LAMA2: variants seen among roughly 807,000 people sequenced by gnomAD.
LAMA2 encodes laminin subunit alpha-2.
Under a neutral mutation model 364.8 loss-of-function variants are expected in LAMA2, and 269 were observed. That is an observed-to-expected ratio of 0.74 (90% CI 0.67 to 0.82). The LOEUF (loss-of-function observed/expected upper bound fraction) is 0.82, where lower values mean the gene tolerates loss of function less well. LAMA2 is among the 40% of genes least tolerant of loss of function. The pLI, the probability that LAMA2 is intolerant of heterozygous loss-of-function variation, is 0.00. For synonymous variants in LAMA2, 1,379 were observed against 1,370.6 expected (o/e 1.01, Z -0.14); for missense variants, 3,807 against 3,873.2 (o/e 0.98, Z 0.45).
intron 34 of LAMA2, among the ~76,000 whole-genome samples, chr6:129,378,755 T>C (rs957972131): frequency 4.8e-4 from 73 of 152,154 alleles, no homozygotes; most frequent in African/African-American, 1.7e-3. Context: ...CATCTCCAAT[T>C]CCCTGTACAT....
In LAMA2 at chr6:129,486,462, T is replaced by G. The variant is rs749224748; in HGVS notation, c.7750-12T>G. ...CTTCTGTTTAATCTTCAATAACCAC[T>G]TGCTGTTGCAGGCCTATTATGCAAT... On this transcript the variant is annotated splice_polypyrimidine_tract_variant and intron_variant, in intron 55 of 64. Coordinates refer to ENST00000421865, the MANE Select transcript of LAMA2 (RefSeq NM_000426.4). 1.2e-6 allele frequency: 2 copies of G among 1,612,876 alleles called. No individual in the cohort carries two copies. Among genetic ancestry groups the G allele is most frequent in the Non-Finnish European group, 1.7e-6 (2 of 1,178,992 alleles).
chr6:129,442,686 C>T (rs1782178493), intron 43 of LAMA2: 2 of 295,752 alleles, frequency 6.8e-6, no homozygotes. Flanking sequence ...TCCTGCTCTC[C>T]ACCCTCCAAA....
chr6:129,229,191 T>C (rs1016059046), intron 12 of LAMA2, among the ~76,000 whole-genome samples: 5 of 152,168 alleles, frequency 3.3e-5, no homozygotes, highest in Non-Finnish European at 7.3e-5. Context: ...ATGTGTTAGA[T>C]AGTGATAAAT....
intron 30 of LAMA2, 58 bp from the exon 31 acceptor site, chr6:129,349,240 C>T: frequency 3.0e-6 from 4 of 1,332,978 alleles, no homozygotes; most frequent in South Asian, 2.3e-5. Context: ...GATAGGAATA[C>T]TATTTTATAA....
rs192917441 is a variant in LAMA2, at chr6:129,486,883, G to A, written c.7898+261G>A. 9.2e-5 allele frequency among the ~76,000 whole-genome samples: 14 copies of A among 152,264 alleles called. 1 individual carries two copies. Among genetic ancestry groups the A allele is most frequent in the Admixed American group, 9.2e-4 (14 of 15,288 alleles). Reference sequence around the variant, plus strand: ...GGAAAAACCAAATGCATTTTCTGAAGCTATAAATAAGAAAAATCCCTCCCT... The same window carrying A: ...GGAAAAACCAAATGCATTTTCTGAAACTATAAATAAGAAAAATCCCTCCCT... On this transcript the variant is annotated intron_variant, in intron 56 of 64. Coordinates refer to ENST00000421865, the MANE Select transcript of LAMA2 (RefSeq NM_000426.4).
chr6:129,262,924 T>C (rs12661540), intron 15 of LAMA2, among the ~76,000 whole-genome samples: 26,632 of 152,112 alleles, frequency 0.18, 2,540 homozygotes, highest in African/African-American at 0.24. Flanking sequence ...TTTGGGGCCA[T>C]AGTGTTGATT....
chr6:129,401,797 G>A (rs1583664991), intron 38 of LAMA2, among the ~76,000 whole-genome samples: 1 of 152,098 alleles, frequency 6.6e-6, no homozygotes, highest in Non-Finnish European at 1.5e-5. Context: ...TGTTTAAATA[G>A]ATAGGCTTTT....
At chr6:128,911,257 G>T (rs1777920838) in intron 1 of LAMA2, among the ~76,000 whole-genome samples, 1 of 152,006 alleles carries the variant, frequency 6.6e-6, no homozygotes, top group Non-Finnish European at 1.5e-5. Context: ...CTTGCAGTTT[G>T]ATCTCAGACT....
At chr6:129,161,632 A>C (rs141163967) in intron 8 of LAMA2, among the ~76,000 whole-genome samples, 2 of 152,208 alleles carry the variant, frequency 1.3e-5, no homozygotes, top group African/African-American at 4.8e-5. Context: ...AAGCATAATA[A>C]AATTTTCAAT....
intron 15 of LAMA2, among the ~76,000 whole-genome samples, chr6:129,265,672 A>C (rs1312649956): frequency 6.6e-6 from 1 of 150,770 alleles, no homozygotes; most frequent in Non-Finnish European, 1.5e-5. Flanking sequence ...AAATGAGAAC[A>C]CATGGACACA....
chr6:129,185,331 G>T (rs1043914539), intron 10 of LAMA2, among the ~76,000 whole-genome samples: 2 of 151,692 alleles, frequency 1.3e-5, no homozygotes, highest in Non-Finnish European at 1.5e-5. Flanking sequence ...AAAGAAAATT[G>T]ATGTCAACAC....
intron 4 of LAMA2, among the ~76,000 whole-genome samples, chr6:129,136,007 C>T (rs966896342): frequency 6.6e-6 from 1 of 151,532 alleles, no homozygotes; most frequent in Non-Finnish European, 1.5e-5. Flanking sequence ...AAATGAACTC[C>T]TGTATGTCAA....
At chr6:129,215,738 G>C (rs1323669635) in intron 12 of LAMA2, among the ~76,000 whole-genome samples, 1 of 151,920 alleles carries the variant, frequency 6.6e-6, no homozygotes. Context: ...CTACTTCTTA[G>C]AGTTATCATG....
At chr6:129,160,730 T>C (rs1259614408) in intron 8 of LAMA2, among the ~76,000 whole-genome samples, 1 of 151,972 alleles carries the variant, frequency 6.6e-6, no homozygotes, top group Non-Finnish European at 1.5e-5. Context: ...GTTCTTTAGC[T>C]GTTTCTCATG....
chr6:129,291,799 C>A, intron 20 of LAMA2, 79 bp downstream of exon 20: 1 of 894,780 alleles, frequency 1.1e-6, no homozygotes, highest in Non-Finnish European at 1.9e-6. Flanking sequence ...TTTTGTATAC[C>A]TTCGTATATT....
At chr6:128,974,995 G>A (rs552643412) in intron 1 of LAMA2, among the ~76,000 whole-genome samples, 8 of 151,930 alleles carry the variant, frequency 5.3e-5, no homozygotes, top group Admixed American at 1.3e-4. Context: ...GGGACTACAG[G>A]CGCCCACCAC....
At chr6:129,324,858 AGCAC>A (rs1394249156) in intron 28 of LAMA2, among the ~76,000 whole-genome samples, 1 of 152,244 alleles carries the variant, frequency 6.6e-6, no homozygotes, top group East Asian at 1.9e-4. Context: ...ATTATGCAGC[AGCAC>A]ATGACTGTAC....
intron 16 of LAMA2, among the ~76,000 whole-genome samples, chr6:129,267,976 T>A (rs1787629221): frequency 6.6e-6 from 1 of 152,090 alleles, no homozygotes. Flanking sequence ...CAATTTAAAA[T>A]GGTGCCAATT....
chr6:129,196,546 G>A (rs1781864980), intron 12 of LAMA2, among the ~76,000 whole-genome samples: 3 of 152,048 alleles, frequency 2.0e-5, no homozygotes, highest in Admixed American at 6.6e-5. Flanking sequence ...TTAAAAACTC[G>A]CTAACAAATA....
Sources: gnomAD v4.1 joint callset for allele counts (sites outside exome capture counted in the v4.1 genomes callset) on GRCh38, gnomAD v4.1.1 for gene constraint, MANE v1.5 for transcripts, NCBI Gene and HGNC (gene_info 2026-07-23, HGNC 2026-07-21) for gene names.